Variants in PRIM2 observed in about 807,000 individuals in gnomAD.
PRIM2 encodes the protein DNA primase subunit 2, also known as DNA primase large subunit.
A neutral mutation model predicts 67.3 loss-of-function variants in PRIM2; 39 were observed. The observed-to-expected ratio is 0.58, with a 90% CI of 0.45 to 0.76. The LOEUF (loss-of-function observed/expected upper bound fraction) is 0.76. Ranked by LOEUF, PRIM2 falls within the 30% of genes least tolerant of loss-of-function variation. The pLI, the probability that PRIM2 is intolerant of heterozygous loss-of-function variation, is 0.00. For synonymous variants in PRIM2, 143 were observed against 198.7 expected, an observed-to-expected ratio of 0.72 and a Z score of 2.36; for missense variants, 398 against 598.7, an observed-to-expected ratio of 0.66 and a Z score of 3.50.
At chr6:57,578,115 C>T (rs1478392590) in intron 10 of PRIM2, among the ~76,000 whole-genome samples, 109,181 of 152,030 alleles carry the variant, frequency 0.72, 39,838 homozygotes, top group African/African-American at 0.85. Context: ...AGATTGAGGT[C>T]ATGCATTTTT....
chr6:57,243,149 C>T, the PRIM2 span, among the ~76,000 whole-genome samples: 1 of 152,208 alleles, frequency 6.6e-6, no homozygotes, highest in African/African-American at 2.4e-5. Context: ...TGCATAGCCT[C>T]TTAGAATGCA....
chr6:57,511,435 G>A (rs1204826541), intron 8 of PRIM2, among the ~76,000 whole-genome samples: 1 of 152,104 alleles, frequency 6.6e-6, no homozygotes, highest in African/African-American at 2.4e-5. Context: ...TTTCATTTGA[G>A]AGATAGGCAC....
chr6:57,523,505 G>T (rs1245928831), intron 8 of PRIM2, among the ~76,000 whole-genome samples: 1 of 152,160 alleles, frequency 6.6e-6, no homozygotes, highest in African/African-American at 2.4e-5. Flanking sequence ...ACTACTTCCT[G>T]TTTACTCTGT....
At chr6:57,285,828 C>G in the PRIM2 span, among the ~76,000 whole-genome samples, 1 of 152,286 alleles carries the variant, frequency 6.6e-6, no homozygotes, top group Admixed American at 6.5e-5. Flanking sequence ...TCTCTGTTTG[C>G]AGATGACATG....
the PRIM2 span, among the ~76,000 whole-genome samples, chr6:57,296,661 G>C: frequency 6.6e-6 from 1 of 151,876 alleles, no homozygotes; most frequent in Non-Finnish European, 1.5e-5. Flanking sequence ...TGGTGTGTGC[G>C]TGTCTGTGCA....
the PRIM2 span, chr6:57,222,083 A>T: frequency 6.6e-6 from 1 of 152,350 alleles, no homozygotes; most frequent in African/African-American, 2.4e-5. Context: ...GTCGCGGCGC[A>T]ACCGCTGCCG....
intron 7 of PRIM2, among the ~76,000 whole-genome samples, chr6:57,423,957 G>C (rs1233382050): frequency 6.6e-6 from 1 of 152,192 alleles, no homozygotes; most frequent in Non-Finnish European, 1.5e-5. Flanking sequence ...GTACATACCT[G>C]TGAGCACATG....
the PRIM2 span, among the ~76,000 whole-genome samples, chr6:57,250,984 C>A: frequency 1.6e-3 from 245 of 152,264 alleles, 2 homozygotes; most frequent in Non-Finnish European, 2.5e-3. Context: ...TGAAAAAAAT[C>A]ATAAATCTGA....
At chr6:57,270,701 G>C in the PRIM2 span, among the ~76,000 whole-genome samples, 716 of 152,198 alleles carry the variant, frequency 4.7e-3, 6 homozygotes, top group Non-Finnish European at 5.5e-3. Context: ...TCCCTGTCTT[G>C]TGCCTGTTTT....
chr6:57,455,288 G>C (rs1772724748), intron 7 of PRIM2, among the ~76,000 whole-genome samples: 1 of 152,210 alleles, frequency 6.6e-6, no homozygotes, highest in East Asian at 1.9e-4. Context: ...GAGTTCTGTA[G>C]TTGTCTATTA....
At chr6:57,380,351 G>A (rs572257361) in intron 6 of PRIM2, among the ~76,000 whole-genome samples, 68 of 152,294 alleles carry the variant, frequency 4.5e-4, no homozygotes, top group Non-Finnish European at 7.5e-4. Flanking sequence ...GCTGCCTTGC[G>A]TGGAAGCCCC....
At chr6:57,542,414 T>TAG (rs1242885809) in intron 10 of PRIM2, among the ~76,000 whole-genome samples, 15,083 of 152,242 alleles carry the variant, frequency 0.099, 922 homozygotes, top group African/African-American at 0.17. Context: ...TGTGGACACT[T>TAG]ACCCTGAGTA....
intron 7 of PRIM2, among the ~76,000 whole-genome samples, chr6:57,498,114 C>T (rs1702785183): frequency 6.6e-6 from 1 of 152,034 alleles, no homozygotes; most frequent in South Asian, 2.1e-4. Context: ...TGTTGAACAA[C>T]CTGTTCTCTT....
At chr6:57,430,455 T>G (rs1259062978) in intron 7 of PRIM2, among the ~76,000 whole-genome samples, 2 of 114,920 alleles carry the variant, frequency 1.7e-5, no homozygotes, top group African/African-American at 1.0e-4. Flanking sequence ...TTGTTTTTTT[T>G]TTTTTTTTTT....
chr6:57,271,473 T>A, the PRIM2 span, among the ~76,000 whole-genome samples: 1 of 152,250 alleles, frequency 6.6e-6, no homozygotes, highest in East Asian at 1.9e-4. Context: ...TTGGTGGTGA[T>A]ATCCCCTTTA....
the PRIM2 span, among the ~76,000 whole-genome samples, chr6:57,260,925 T>A: frequency 6.6e-6 from 1 of 152,126 alleles, no homozygotes; most frequent in East Asian, 1.9e-4. Flanking sequence ...TCCAGGGGTA[T>A]GAAGGGCAAG....
At chr6:57,360,170 G>A (rs376597033) in intron 5 of PRIM2, among the ~76,000 whole-genome samples, 193 of 152,284 alleles carry the variant, frequency 1.3e-3, no homozygotes, top group Non-Finnish European at 2.2e-3. Flanking sequence ...TAGCTCAGAT[G>A]GTGAATACCA....
intron 13 of PRIM2, among the ~76,000 whole-genome samples, chr6:57,643,824 T>C (rs1391747203): frequency 1.3e-5 from 2 of 152,222 alleles, no homozygotes; most frequent in African/African-American, 4.8e-5. Flanking sequence ...AATCAGTCTG[T>C]ATACTATCCA....
At chr6:57,455,657 C>T (rs201519178) in intron 7 of PRIM2, among the ~76,000 whole-genome samples, 1 of 152,108 alleles carries the variant, frequency 6.6e-6, no homozygotes, top group East Asian at 1.9e-4. Flanking sequence ...TCCTCCATCC[C>T]TTTATTTTGA....
Sources: gnomAD v4.1 joint callset for allele counts (sites outside exome capture counted in the v4.1 genomes callset) on GRCh38, gnomAD v4.1.1 for gene constraint, MANE v1.5 for transcripts, NCBI Gene and HGNC (gene_info 2026-07-23, HGNC 2026-07-21) for gene names.